Variants in TTC29 observed in about 807,000 individuals in gnomAD.
TTC29 encodes tetratricopeptide repeat protein 29.
TTC29 carries 49 observed loss-of-function variants against 58.1 expected under a neutral mutation model. That is an observed-to-expected ratio of 0.84 (90% CI 0.67 to 1.07). The LOEUF (loss-of-function observed/expected upper bound fraction) is 1.07, where lower values mean the gene tolerates loss of function less well. TTC29 is among the 50% of genes least tolerant of loss of function. The probability of loss-of-function intolerance (pLI) is 0.00; values close to 1 mark genes in which losing one functional copy is unlikely to be tolerated. For missense variants in TTC29, 582 were observed against 555.6 expected (o/e 1.05, Z -0.48); for synonymous variants, 209 against 196.8 (o/e 1.06, Z -0.52).
chr4:146,931,926 A>C (rs1209359894), intron 4 of TTC29, among the ~76,000 whole-genome samples: 1 of 152,036 alleles, frequency 6.6e-6, no homozygotes, highest in Non-Finnish European at 1.5e-5. Context: ...TTCCAACTAC[A>C]TTTTTTAAAT....
At chr4:146,765,058 A>C (rs905419025) in intron 11 of TTC29, among the ~76,000 whole-genome samples, 3 of 152,132 alleles carry the variant, frequency 2.0e-5, no homozygotes, top group African/African-American at 7.2e-5. Flanking sequence ...ATGTTATGTC[A>C]GACCTCAATG....
At chr4:146,769,193 C>T (rs897560179) in intron 11 of TTC29, among the ~76,000 whole-genome samples, 4 of 151,890 alleles carry the variant, frequency 2.6e-5, no homozygotes, top group South Asian at 4.1e-4. Context: ...TTCTTAGTAT[C>T]GGTGTTTGTG....
Position 146,807,564 on chromosome 4 carries a change from A to G in TTC29, c.1102-3879T>C, listed in dbSNP as rs191634053. On this transcript the variant is annotated intron_variant, in intron 10 of 12. Coordinates refer to ENST00000325106, the MANE Select transcript of TTC29 (RefSeq NM_031956.4). ...AAAAAATGATAAAGGGGATATCACTACTGATCTCACAGAAATACAAACTAC... is the reference window on the plus strand; with the variant it reads ...AAAAAATGATAAAGGGGATATCACTGCTGATCTCACAGAAATACAAACTAC... Among the ~76,000 whole-genome samples, 18 of 152,350 alleles carry G rather than the reference A, an allele frequency of 1.2e-4. No individual in the cohort carries two copies. The East Asian group carries it at 3.5e-3, about 29-fold the overall frequency.
intron 11 of TTC29, among the ~76,000 whole-genome samples, chr4:146,725,768 T>C (rs1743741004): frequency 6.6e-6 from 1 of 152,156 alleles, no homozygotes; most frequent in Admixed American, 6.5e-5. Context: ...GCCTATATAG[T>C]TTAAAGTGTT....
intron 6 of TTC29, among the ~76,000 whole-genome samples, chr4:146,902,954 T>C (rs1046386245): frequency 1.5e-4 from 23 of 152,198 alleles, no homozygotes; most frequent in Non-Finnish European, 2.9e-4. Context: ...TATTTTCTTT[T>C]TATATTATCT....
chr4:146,873,763 A>G (rs1472918853), intron 7 of TTC29, among the ~76,000 whole-genome samples: 1 of 152,170 alleles, frequency 6.6e-6, no homozygotes, highest in African/African-American at 2.4e-5. Flanking sequence ...TAATATTATT[A>G]AAAGAAGTTA....
chr4:146,819,593 T>G (rs545585326), intron 10 of TTC29, among the ~76,000 whole-genome samples: 15 of 152,300 alleles, frequency 9.8e-5, no homozygotes, highest in Middle Eastern at 3.4e-3. Flanking sequence ...TAATTTTATT[T>G]TGGACTTTTT....
chr4:146,731,987 C>T (rs147275369), intron 11 of TTC29, among the ~76,000 whole-genome samples: 42 of 152,280 alleles, frequency 2.8e-4, no homozygotes, highest in Admixed American at 4.6e-4. Context: ...AATCAGCTTA[C>T]ATGAGTAGTA....
intron 4 of TTC29, among the ~76,000 whole-genome samples, chr4:146,922,797 A>C (rs148355983): frequency 6.6e-6 from 1 of 152,002 alleles, no homozygotes; most frequent in Admixed American, 6.6e-5. Flanking sequence ...TATTTCAAGA[A>C]ATATAGAAGA....
chr4:146,850,432 T>C (rs1433359897), intron 8 of TTC29, among the ~76,000 whole-genome samples: 2 of 152,310 alleles, frequency 1.3e-5, no homozygotes, highest in African/African-American at 2.4e-5. Context: ...AATGCCACCA[T>C]GCAGGCTGGG....
At chr4:146,939,358 G>T (rs143365700) in intron 3 of TTC29, among the ~76,000 whole-genome samples, 11,330 of 152,086 alleles carry the variant, frequency 0.074, 1,422 homozygotes, top group African/African-American at 0.26. Flanking sequence ...AGGAGGCTGA[G>T]GCACGATAAT....
At chr4:146,871,894 C>A (rs986614840) in intron 7 of TTC29, among the ~76,000 whole-genome samples, 1 of 151,940 alleles carries the variant, frequency 6.6e-6, no homozygotes, top group Non-Finnish European at 1.5e-5. Flanking sequence ...CAGAAATTAA[C>A]AAGCTGATCC....
intron 11 of TTC29, among the ~76,000 whole-genome samples, chr4:146,764,605 A>G (rs1158677897): frequency 3.3e-5 from 5 of 152,104 alleles, no homozygotes; most frequent in African/African-American, 1.2e-4. Context: ...AGGCTCAGTT[A>G]TGTAAGAATT....
Position 146,717,318 on chromosome 4 carries a change from G to A in TTC29, c.1331-9767C>T, listed in dbSNP as rs111481624. 5.7e-3 allele frequency among the ~76,000 whole-genome samples: 873 copies of A among 152,106 alleles called. 7 individuals are homozygous for A. Among genetic ancestry groups the A allele is most frequent in the South Asian group, 0.039 (186 of 4,808 alleles). On this transcript the variant is annotated intron_variant, in intron 11 of 12. Transcript: ENST00000325106. Reference sequence around the variant, plus strand: ...TTTTGAGATGGAGTCTCACTCTGTCGCCTAGGCTGAAGTACAGCGGCACAA... The same window carrying A: ...TTTTGAGATGGAGTCTCACTCTGTCACCTAGGCTGAAGTACAGCGGCACAA...
At chr4:146,710,698 C>A (rs540146760) in intron 11 of TTC29, among the ~76,000 whole-genome samples, 6 of 152,194 alleles carry the variant, frequency 3.9e-5, no homozygotes, top group Admixed American at 3.3e-4. Context: ...GTAAGGGAGA[C>A]TAGAAGCAAC....
At chr4:146,928,835 A>C (rs73852789) in intron 4 of TTC29, among the ~76,000 whole-genome samples, 11,372 of 152,164 alleles carry the variant, frequency 0.075, 1,446 homozygotes, top group African/African-American at 0.26. Flanking sequence ...GCCTTGAGTG[A>C]TCCTTTTAAA....
chr4:146,861,276 C>T (rs1730215666), intron 8 of TTC29, among the ~76,000 whole-genome samples: 1 of 152,122 alleles, frequency 6.6e-6, no homozygotes, highest in Admixed American at 6.6e-5. Flanking sequence ...ATATTTTTCT[C>T]TTTCAAATCT....
At chr4:146,737,589 C>CTG (rs1554007329) in intron 11 of TTC29, among the ~76,000 whole-genome samples, 1 of 28,476 alleles carries the variant, frequency 3.5e-5, no homozygotes, top group African/African-American at 1.0e-4. Flanking sequence ...GCTAGTAGCC[C>CTG]TGGGGGGGGG....
At chr4:146,811,231 C>T (rs1179915990) in intron 10 of TTC29, among the ~76,000 whole-genome samples, 1 of 152,110 alleles carries the variant, frequency 6.6e-6, no homozygotes, top group East Asian at 1.9e-4. Context: ...GCATGGGGGC[C>T]AATGCTAAAT....
Sources: gnomAD v4.1 joint callset for allele counts (sites outside exome capture counted in the v4.1 genomes callset) on GRCh38, gnomAD v4.1.1 for gene constraint, MANE v1.5 for transcripts, NCBI Gene and HGNC (gene_info 2026-07-23, HGNC 2026-07-21) for gene names.